Variants in RAB12 observed in about 807,000 individuals in gnomAD.
The protein encoded by RAB12 is ras-related protein Rab-12.
Under a neutral mutation model 28.4 loss-of-function variants are expected in RAB12, and 11 were observed. That is an observed-to-expected ratio of 0.39 (90% CI 0.24 to 0.64). The LOEUF is 0.64. RAB12 is among the 30% of genes least tolerant of loss of function. The pLI is 0.50. For missense variants in RAB12, 276 were observed against 351.1 expected (o/e 0.79, Z 1.71); for synonymous variants, 138 against 145.3 (o/e 0.95, Z 0.36).
At chr18:8,626,875 G>A (rs901287277) in intron 2 of RAB12, among the ~76,000 whole-genome samples, 4 of 152,166 alleles carry the variant, frequency 2.6e-5, no homozygotes, top group African/African-American at 7.2e-5. Context: ...GAAATGGATT[G>A]GACTTACGGA....
chr18:8,613,628 G>A (rs1041945482), intron 1 of RAB12, among the ~76,000 whole-genome samples: 87 of 152,094 alleles, frequency 5.7e-4, no homozygotes, highest in African/African-American at 1.9e-3. Context: ...CTATGTTACT[G>A]TTGGAAGCTA....
chr18:8,612,865 A>G (rs138460062), intron 1 of RAB12, among the ~76,000 whole-genome samples: 3,394 of 152,202 alleles, frequency 0.022, 142 homozygotes, highest in African/African-American at 0.077. Flanking sequence ...AAGTCTTGCT[A>G]TGTTGTCCAG....
chr18:8,624,557 G>A (rs1187572331), intron 1 of RAB12, among the ~76,000 whole-genome samples: 1 of 152,174 alleles, frequency 6.6e-6, no homozygotes, highest in Non-Finnish European at 1.5e-5. Flanking sequence ...AGTTTCCAGT[G>A]TTCCATATAA....
At chr18:8,621,357 A>C (rs7238475) in intron 1 of RAB12, among the ~76,000 whole-genome samples, 6,277 of 152,254 alleles carry the variant, frequency 0.041, 425 homozygotes, top group African/African-American at 0.14. Context: ...ATGTACTTTG[A>C]TAGAGGTATA....
Position 8,638,410 on chromosome 18 carries a change from A to G in RAB12, c.*148A>G, listed in dbSNP as rs1011567691. 1.6e-5 allele frequency: 10 copies of G among 606,882 alleles called. No individual in the cohort carries two copies. Among genetic ancestry groups the G allele is most frequent in the African/African-American group, 3.7e-5 (2 of 53,790 alleles). 37.6% of individuals were successfully genotyped at this position (606,882 alleles called of 1,614,324 possible). ...TAACTTGTAAATATGCATATATGCA[A>G]TCCTGGGTAAGTTTTGGTTATAAGT... On this transcript the variant is annotated 3_prime_UTR_variant, in exon 6 of 6. Coordinates refer to ENST00000649141, the MANE Select transcript of RAB12 (RefSeq NM_001025300.3).
At position 8,636,359 on chromosome 18, in the gene RAB12, TA is replaced by T. The variant is rs756277789; in HGVS notation, c.909+10del. 45 of 1,535,998 alleles carry T rather than the reference TA, an allele frequency of 2.9e-5. No individual in the cohort carries two copies. Among genetic ancestry groups the T allele is most frequent in the Non-Finnish European group, 3.7e-5 (41 of 1,117,680 alleles). ...CTTGTCGATGACATTCTGAAAAAGGTAAAAAAAAGAATCTACATTATAAAAG... is the reference window on the plus strand; with the variant it reads ...CTTGTCGATGACATTCTGAAAAAGGTAAAAAAAGAATCTACATTATAAAAG... On this transcript the variant is annotated splice_donor_region_variant and intron_variant, in intron 5 of 5. Transcript: ENST00000649141.
intron 2 of RAB12, among the ~76,000 whole-genome samples, chr18:8,631,319 C>T (rs2096015885): frequency 6.6e-6 from 1 of 152,232 alleles, no homozygotes; most frequent in Admixed American, 6.5e-5. Context: ...AATTGTCCTA[C>T]ATTTTCATGT....
intron 5 of RAB12, among the ~76,000 whole-genome samples, chr18:8,637,113 A>C (rs1287789827): frequency 6.6e-6 from 1 of 152,054 alleles, no homozygotes; most frequent in Admixed American, 6.6e-5. Flanking sequence ...AAAAAATTTA[A>C]AAATTAGCAA....
intron 2 of RAB12, among the ~76,000 whole-genome samples, chr18:8,627,935 A>G (rs904501766): frequency 4.6e-5 from 7 of 152,234 alleles, no homozygotes; most frequent in Admixed American, 4.6e-4. Flanking sequence ...AATACAGCAA[A>G]TAAGAGGCTT....
intron 1 of RAB12, among the ~76,000 whole-genome samples, chr18:8,616,942 C>A (rs1303286326): frequency 1.3e-5 from 2 of 151,894 alleles, no homozygotes; most frequent in Admixed American, 6.6e-5. Flanking sequence ...AAAGAAAAAA[C>A]ACTCCACCTT....
intron 2 of RAB12, among the ~76,000 whole-genome samples, chr18:8,631,155 G>A (rs2096015764): frequency 6.6e-6 from 1 of 152,244 alleles, no homozygotes; most frequent in African/African-American, 2.4e-5. Context: ...TTCACAAATT[G>A]CTGGGATTAC....
intron 5 of RAB12, 134 bp from the exon 6 acceptor site, chr18:8,638,015 A>G: frequency 1.7e-6 from 1 of 600,736 alleles, no homozygotes; most frequent in Non-Finnish European, 3.0e-6. Flanking sequence ...GAGGCAGGAG[A>G]GGCAGGTGAA....
chr18:8,636,197 C>T (rs2096018797), intron 4 of RAB12, 56 bp from the exon 5 acceptor site: 10 of 1,182,094 alleles, frequency 8.5e-6, no homozygotes, highest in South Asian at 3.7e-5. Flanking sequence ...ACCTCATGCT[C>T]GCACGCTGGT....
chr18:8,619,281 G>T (rs534442846), intron 1 of RAB12, among the ~76,000 whole-genome samples: 1 of 152,330 alleles, frequency 6.6e-6, no homozygotes, highest in East Asian at 1.9e-4. Flanking sequence ...TCCTAGATGT[G>T]GACCACAGTG....
Position 8,616,360 on chromosome 18 carries a change from C to T in RAB12, c.514+6407C>T, listed in dbSNP as rs75365145. On this transcript the variant is annotated intron_variant, in intron 1 of 5. Transcript: ENST00000649141. ...AAAACTACAGACCAAAAATTGTGCC[C>T]TTAATTGAGTGTGATTGTTAAAAAA... Among the ~76,000 whole-genome samples, 18 of 148,112 alleles carry T rather than the reference C, an allele frequency of 1.2e-4. No individual in the cohort carries two copies. In the East Asian group the frequency reaches 3.6e-3, roughly 29 times the overall value.
intron 1 of RAB12, among the ~76,000 whole-genome samples, chr18:8,618,772 A>G (rs989416455): frequency 1.3e-5 from 2 of 152,330 alleles, no homozygotes; most frequent in East Asian, 1.9e-4. Flanking sequence ...TTGGCCTCCC[A>G]AAGTGCTGGG....
At chr18:8,629,862 G>C (rs570027121) in intron 2 of RAB12, among the ~76,000 whole-genome samples, 2 of 152,290 alleles carry the variant, frequency 1.3e-5, no homozygotes, top group African/African-American at 4.8e-5. Context: ...GGCCTTGCAT[G>C]GAAGAGCCTG....
At chr18:8,614,994 G>T (rs1396296516) in intron 1 of RAB12, among the ~76,000 whole-genome samples, 1 of 152,198 alleles carries the variant, frequency 6.6e-6, no homozygotes, top group African/African-American at 2.4e-5. Context: ...CTTTAACTCC[G>T]CTGCAGGCCG....
intron 1 of RAB12, among the ~76,000 whole-genome samples, chr18:8,616,579 G>A (rs903870856): frequency 1.3e-5 from 2 of 152,092 alleles, no homozygotes; most frequent in African/African-American, 4.8e-5. Context: ...TATAAATGAG[G>A]AGCTTTGTGT....
Sources: gnomAD v4.1 joint callset for allele counts (sites outside exome capture counted in the v4.1 genomes callset) on GRCh38, gnomAD v4.1.1 for gene constraint, MANE v1.5 for transcripts, NCBI Gene and HGNC (gene_info 2026-07-23, HGNC 2026-07-21) for gene names.